FAM107B: variants seen among roughly 807,000 people sequenced by gnomAD.
FAM107B encodes the protein protein FAM107B.
A neutral mutation model predicts 31.5 loss-of-function variants in FAM107B; 21 were observed. The ratio of observed to expected loss-of-function variants is 0.67; its 90% confidence interval spans 0.47 to 0.96. The LOEUF is 0.96. Among genes scored for constraint, FAM107B ranks in the 40% least tolerant of loss-of-function variants. FAM107B has a pLI of 0.00. For synonymous variants in FAM107B, 157 were observed against 141.5 expected, an observed-to-expected ratio of 1.11 and a Z score of -0.78; for missense variants, 452 against 377.1, an observed-to-expected ratio of 1.20 and a Z score of -1.64.
chr10:14,656,178 C>T (rs759221364), intron 2 of FAM107B, among the ~76,000 whole-genome samples: 22 of 152,148 alleles, frequency 1.4e-4, no homozygotes, highest in Non-Finnish European at 2.8e-4. Context: ...GATACAAATT[C>T]TGGAGCAGCA....
At chr10:14,766,249 G>C (rs1373408912) in intron 1 of FAM107B, among the ~76,000 whole-genome samples, 1 of 152,204 alleles carries the variant, frequency 6.6e-6, no homozygotes, top group East Asian at 1.9e-4. Flanking sequence ...TTAATGAAAT[G>C]ATCCTAGGTA....
chr10:14,703,952 G>T (rs1026275498), intron 1 of FAM107B, among the ~76,000 whole-genome samples: 1 of 152,204 alleles, frequency 6.6e-6, no homozygotes, highest in African/African-American at 2.4e-5. Flanking sequence ...TTTTTAAAGG[G>T]GGAGAGGAAA....
intron 1 of FAM107B, among the ~76,000 whole-genome samples, chr10:14,720,628 G>A (rs1183949946): frequency 2.6e-5 from 4 of 152,080 alleles, no homozygotes; most frequent in Admixed American, 6.6e-5. Context: ...TTAGCTGAAG[G>A]GTTATTTTAG....
chr10:14,556,542 G>T, intron 2 of FAM107B: 1 of 327,244 alleles, frequency 3.1e-6, no homozygotes, highest in Non-Finnish European at 4.4e-6. Context: ...GTTTAGACTT[G>T]ACTGACACCT....
intron 1 of FAM107B, among the ~76,000 whole-genome samples, chr10:14,681,096 C>G (rs567285689): frequency 7.6e-4 from 115 of 152,288 alleles, no homozygotes; most frequent in African/African-American, 2.6e-3. Flanking sequence ...CTTATAGGAA[C>G]CCTAAGTAGC....
At chr10:14,628,112 G>GGTTTTTTTTGTTTTTTTTTTT (rs1440347763) in intron 2 of FAM107B, among the ~76,000 whole-genome samples, 4 of 92,676 alleles carry the variant, frequency 4.3e-5, no homozygotes, top group South Asian at 4.5e-4. Flanking sequence ...TGTTTTGCTG[G>GGTTTTTTTTGTTTTTTTTTTT]TTTTTTTTTT....
intron 2 of FAM107B, among the ~76,000 whole-genome samples, chr10:14,558,239 ACT>A (rs1324117694): frequency 1.3e-5 from 2 of 151,946 alleles, no homozygotes; most frequent in Non-Finnish European, 1.5e-5. Context: ...GCATGCGCAC[ACT>A]CACATACGTG....
intron 1 of FAM107B, among the ~76,000 whole-genome samples, chr10:14,742,113 G>C (rs1378181971): frequency 2.6e-5 from 4 of 151,618 alleles, no homozygotes; most frequent in African/African-American, 9.7e-5. Context: ...ATTTTTGTTT[G>C]TTTTTTGTTT....
intron 1 of FAM107B, among the ~76,000 whole-genome samples, chr10:14,702,514 T>A (rs1469368648): frequency 1.3e-5 from 2 of 152,100 alleles, no homozygotes; most frequent in African/African-American, 4.8e-5. Flanking sequence ...ACCCAAATAC[T>A]TTTTTTGTAT....
intron 1 of FAM107B, among the ~76,000 whole-genome samples, chr10:14,727,188 T>C (rs1856055199): frequency 6.6e-6 from 1 of 152,112 alleles, no homozygotes; most frequent in African/African-American, 2.4e-5. Flanking sequence ...AGATGAAGCT[T>C]CACTCACTCT....
chr10:14,589,603 G>C (rs1851952291), intron 2 of FAM107B, among the ~76,000 whole-genome samples: 3 of 152,106 alleles, frequency 2.0e-5, no homozygotes, highest in African/African-American at 7.2e-5. Flanking sequence ...ATGACTGAAT[G>C]AATCAGAAGG....
chr10:14,594,752 T>C (rs1852132267), intron 2 of FAM107B, among the ~76,000 whole-genome samples: 1 of 152,156 alleles, frequency 6.6e-6, no homozygotes, highest in Admixed American at 6.6e-5. Flanking sequence ...ACTGCATTGG[T>C]TGGTGCCTCT....
At chr10:14,714,847 G>A (rs550376752) in intron 1 of FAM107B, among the ~76,000 whole-genome samples, 1 of 152,298 alleles carries the variant, frequency 6.6e-6, no homozygotes, top group South Asian at 2.1e-4. Flanking sequence ...TGGTTCATCT[G>A]AGTAGTGTGG....
intron 1 of FAM107B, among the ~76,000 whole-genome samples, chr10:14,744,205 T>C (rs553232182): frequency 2.1e-4 from 32 of 152,222 alleles, no homozygotes; most frequent in Non-Finnish European, 4.3e-4. Flanking sequence ...TTTTGTATCC[T>C]GAGACTTTGA....
intron 2 of FAM107B, among the ~76,000 whole-genome samples, chr10:14,589,269 C>T (rs771183647): frequency 6.6e-6 from 1 of 151,708 alleles, no homozygotes; most frequent in Non-Finnish European, 1.5e-5. Flanking sequence ...TGGCATAGGA[C>T]ATTTATCAAA....
rs528151973 is a variant in FAM107B, at chr10:14,636,776, T to C, written c.469+30858A>G. 1.5e-3 allele frequency among the ~76,000 whole-genome samples: 224 copies of C among 152,284 alleles called. 1 individual carries two copies. Among genetic ancestry groups the C allele is most frequent in the Admixed American group, 5.0e-3 (77 of 15,300 alleles). On this transcript the variant is annotated intron_variant, in intron 2 of 4. Coordinates refer to ENST00000181796, the MANE Select transcript of FAM107B (RefSeq NM_031453.4). ...TCTACTGAGTCGAGTTCTTGGAGGT[T>C]GAATCCTGCTGCTATAGCCTTGAAC...
intron 2 of FAM107B, among the ~76,000 whole-genome samples, chr10:14,621,176 T>G (rs925013044): frequency 2.0e-5 from 3 of 152,196 alleles, no homozygotes; most frequent in Admixed American, 6.5e-5. Context: ...TTTTTTAAAT[T>G]TGGCATTCTT....
chr10:14,652,438 G>C (rs865880315), intron 2 of FAM107B, among the ~76,000 whole-genome samples: 3 of 152,176 alleles, frequency 2.0e-5, no homozygotes, highest in African/African-American at 7.2e-5. Flanking sequence ...CGAAAATATA[G>C]GGGTTTGGAC....
rs1228169056 is a variant in FAM107B at position 14,520,517 on chromosome 10, T to A, written c.*673A>T. ...CCTTCTTGGAACTGGAATGTCACTA[T>A]GTAGCCTGCTATTATTACACAGAGA... On this transcript the variant is annotated 3_prime_UTR_variant, in exon 5 of 5. Coordinates refer to ENST00000181796, the MANE Select transcript of FAM107B (RefSeq NM_031453.4). The A allele has an allele frequency of 6.6e-6, 1 of 152,254 alleles. No homozygotes were observed. The highest frequency in any genetic ancestry group is 1.5e-5 in the Non-Finnish European group (1 of 68,050). The allele number at this position is 152,254 out of a possible 1,614,324, so 9.4% of individuals were successfully genotyped here. A position where few individuals can be genotyped will look rare whatever the true frequency, so the allele number is the denominator to read the frequency against.
Sources: allele counts gnomAD v4.1 joint callset (sites outside exome capture counted in the v4.1 genomes callset), GRCh38; gene constraint gnomAD v4.1.1; transcripts MANE v1.5; gene names NCBI Gene and HGNC (gene_info 2026-07-23, HGNC 2026-07-21).